Variants in XKR6 observed in about 807,000 individuals in gnomAD.
The protein encoded by XKR6 is XK related 6.
A neutral mutation model predicts 56.7 loss-of-function variants in XKR6; 22 were observed. The ratio of observed to expected loss-of-function variants is 0.39; its 90% CI spans 0.28 to 0.55. XKR6 has a LOEUF of 0.55. Among genes scored for constraint, XKR6 ranks in the 20% least tolerant of loss-of-function variants. The pLI, the probability that XKR6 is intolerant of heterozygous loss-of-function variation, is 0.66. For missense variants in XKR6, 852 were observed against 889.0 expected, an observed-to-expected ratio of 0.96 and a Z score of 0.53; for synonymous variants, 524 against 387.8, an observed-to-expected ratio of 1.35 and a Z score of -4.13.
chr8:11,190,203 GAAAA>G (rs1227530971), intron 1 of XKR6, among the ~76,000 whole-genome samples: 14 of 39,754 alleles, frequency 3.5e-4, no homozygotes, highest in Admixed American at 5.7e-4. Flanking sequence ...AAGAAAGAAA[GAAAA>G]GAAAGAAAGA....
intron 2 of XKR6, among the ~76,000 whole-genome samples, chr8:10,901,618 G>C (rs753477912): frequency 5.9e-5 from 9 of 152,148 alleles, no homozygotes; most frequent in African/African-American, 2.2e-4. Context: ...AGGTCCTACC[G>C]ACCCATAGTA....
intron 2 of XKR6, among the ~76,000 whole-genome samples, chr8:10,909,992 G>C (rs567987708): frequency 1.3e-5 from 2 of 151,190 alleles, no homozygotes; most frequent in Non-Finnish European, 3.0e-5. Context: ...GGGCTGGGGG[G>C]ACCTTTTTCA....
intron 1 of XKR6, among the ~76,000 whole-genome samples, chr8:11,053,457 G>A (rs1170181072): frequency 2.0e-5 from 3 of 152,178 alleles, no homozygotes; most frequent in African/African-American, 7.2e-5. Flanking sequence ...CCAGAGAGCT[G>A]CATCTCTTCC....
At chr8:11,153,628 G>A (rs1338337260) in intron 1 of XKR6, among the ~76,000 whole-genome samples, 1 of 152,200 alleles carries the variant, frequency 6.6e-6, no homozygotes, top group Non-Finnish European at 1.5e-5. Flanking sequence ...ATACCAACCA[G>A]TATTGGGCTG....
Position 11,200,605 on chromosome 8 carries a change from G to C in XKR6, c.735C>G (p.Ile245Met). 6.5e-7 allele frequency: 1 copy of C among 1,540,178 alleles called. No individual in the cohort carries two copies. The highest frequency in any genetic ancestry group is 8.7e-7 in the Non-Finnish European group (1 of 1,155,158). The change falls in exon 1 of 3, where the codon ATC becomes ATG. Residue 245 changes from isoleucine (I) to methionine (M), a missense_variant. Physicochemically the swap from Ile to Met is conservative, Grantham distance 10. Transcript: ENST00000416569. This position sits in a 1 kb window ranked among gnomAD's most constrained non-coding sequence, Gnocchi z 6.4. ...RLSVWIWQSV[I>M]HLLQMGQVWR... is the part of the protein sequence containing the mutation. ...ACACCTGCCCCATCTGCAGCAGGTG[G>C]ATGACCGACTGCCAGATCCACACGG...
rs139798941 is a variant in XKR6 at position 11,123,744 on chromosome 8, C to A, written c.764+76832G>T. ...TGAAGAAATCCAATATGCACCCCTACCCCGGGAAAAAAAAACAAAAAATGA... is the reference window on the plus strand; with the variant it reads ...TGAAGAAATCCAATATGCACCCCTAACCCGGGAAAAAAAAACAAAAAATGA... On this transcript the variant is annotated intron_variant, in intron 1 of 2. Transcript: ENST00000416569. The A allele has an allele frequency of 3.3e-4, 141 of 422,770 alleles. 2 individuals carry two copies. The East Asian group carries it at 8.8e-3, about 26-fold the overall frequency. 26.2% of individuals were successfully genotyped at this position (422,770 alleles called of 1,614,324 possible).
At chr8:11,110,436 C>T (rs1160208074) in intron 1 of XKR6, among the ~76,000 whole-genome samples, 4 of 152,200 alleles carry the variant, frequency 2.6e-5, no homozygotes, top group South Asian at 4.1e-4. Context: ...CTGCTATACA[C>T]TAGTTTCGGA....
intron 1 of XKR6, among the ~76,000 whole-genome samples, chr8:11,051,588 C>A (rs1799549488): frequency 6.6e-6 from 1 of 152,176 alleles, no homozygotes; most frequent in South Asian, 2.1e-4. Context: ...TTTCCTCACG[C>A]CCCATGCCTG....
intron 1 of XKR6, among the ~76,000 whole-genome samples, chr8:11,166,543 T>A (rs956781352): frequency 6.6e-6 from 1 of 152,198 alleles, no homozygotes; most frequent in African/African-American, 2.4e-5. Flanking sequence ...TTAGTGCATT[T>A]AATTTAATGT....
At chr8:11,114,602 C>A (rs1799068875) in intron 1 of XKR6, among the ~76,000 whole-genome samples, 2 of 152,198 alleles carry the variant, frequency 1.3e-5, no homozygotes, top group Admixed American at 1.3e-4. Flanking sequence ...CTCAGATGAT[C>A]CACCCGCCTT....
At chr8:11,128,135 C>A (rs555683119) in intron 1 of XKR6, among the ~76,000 whole-genome samples, 1 of 152,132 alleles carries the variant, frequency 6.6e-6, no homozygotes, top group Non-Finnish European at 1.5e-5. Context: ...GAAGTTAATA[C>A]GTAAAGGACA....
At chr8:11,016,103 G>A (rs569834528) in intron 1 of XKR6, among the ~76,000 whole-genome samples, 1 of 152,310 alleles carries the variant, frequency 6.6e-6, no homozygotes, top group South Asian at 2.1e-4. Context: ...CTTCCCCGCG[G>A]CGCTCCGCTC....
chr8:11,132,752 T>TACAC (rs1314341998), intron 1 of XKR6, among the ~76,000 whole-genome samples: 9 of 121,266 alleles, frequency 7.4e-5, no homozygotes, highest in Non-Finnish European at 7.0e-5. Flanking sequence ...CCTTCATTCA[T>TACAC]ACACACACAC....
intron 1 of XKR6, among the ~76,000 whole-genome samples, chr8:11,074,295 C>T (rs1453446525): frequency 6.6e-6 from 1 of 152,128 alleles, no homozygotes; most frequent in African/African-American, 2.4e-5. Flanking sequence ...GGCCTTGGGT[C>T]TCCTCTGTCT....
intron 1 of XKR6, among the ~76,000 whole-genome samples, chr8:11,139,851 G>A (rs901432798): frequency 1.3e-5 from 2 of 152,112 alleles, no homozygotes; most frequent in Non-Finnish European, 2.9e-5. Flanking sequence ...CTTACTACGA[G>A]AGAAAGATTT....
chr8:10,925,278 C>A (rs1800846343), intron 1 of XKR6, among the ~76,000 whole-genome samples: 1 of 152,212 alleles, frequency 6.6e-6, no homozygotes, highest in South Asian at 2.1e-4. Flanking sequence ...GTGAACATTT[C>A]TGAAGCTCCT....
chr8:11,173,212 C>CG (rs1802467331), intron 1 of XKR6, among the ~76,000 whole-genome samples: 1 of 150,830 alleles, frequency 6.6e-6, no homozygotes, highest in African/African-American at 2.4e-5. Flanking sequence ...GGCGTGGTGG[C>CG]GGGCGCCTGT....
At chr8:11,108,512 A>C (rs1194980383) in intron 1 of XKR6, 2 of 370,804 alleles carry the variant, frequency 5.4e-6, no homozygotes, top group South Asian at 2.1e-5. Flanking sequence ...TAAACCCACT[A>C]AGCCAGCAGG....
intron 1 of XKR6, among the ~76,000 whole-genome samples, chr8:11,165,644 A>G (rs537059341): frequency 6.6e-6 from 1 of 152,188 alleles, no homozygotes; most frequent in South Asian, 2.1e-4. Flanking sequence ...AATGCAGTGT[A>G]TTAACTCTTA....
Sources: allele counts gnomAD v4.1 joint callset (sites outside exome capture counted in the v4.1 genomes callset), GRCh38; gene constraint gnomAD v4.1.1; non-coding constraint Gnocchi (gnomAD v3.1); transcripts MANE v1.5; gene names NCBI Gene and HGNC (gene_info 2026-07-23, HGNC 2026-07-21).